Variants in NAV3 observed in about 807,000 individuals in gnomAD.
The protein encoded by NAV3 is neuron navigator 3.
In NAV3, 87 loss-of-function variants were observed where a neutral mutation model predicts 244.7. The ratio of observed to expected loss-of-function variants is 0.36; its 90% confidence interval spans 0.30 to 0.42. The LOEUF is 0.42. NAV3 is among the 20% of genes least tolerant of loss of function. The probability of loss-of-function intolerance (pLI) is 1.00; values close to 1 mark genes in which losing one functional copy is unlikely to be tolerated. For synonymous variants in NAV3, 1,126 were observed against 1,042.2 expected (o/e 1.08, Z -1.55); for missense variants, 2,663 against 2,893.3 (o/e 0.92, Z 1.83).
At chr12:78,045,145 T>A (rs1881550660) in intron 9 of NAV3, among the ~76,000 whole-genome samples, 1 of 152,188 alleles carries the variant, frequency 6.6e-6, no homozygotes, top group Non-Finnish European at 1.5e-5. Flanking sequence ...TGAAGGGGTG[T>A]TGAATTTTAT....
intron 1 of NAV3, among the ~76,000 whole-genome samples, chr12:77,867,861 C>T (rs1328841822): frequency 6.6e-6 from 1 of 152,142 alleles, no homozygotes; most frequent in African/African-American, 2.4e-5. Context: ...AAGTAAGAAA[C>T]CTGCAGTTCT....
chr12:78,032,567 G>T (rs760444266), intron 9 of NAV3, among the ~76,000 whole-genome samples: 1 of 152,084 alleles, frequency 6.6e-6, no homozygotes, highest in Non-Finnish European at 1.5e-5. Flanking sequence ...AAACCTAGTT[G>T]TATTTACCCA....
At chr12:77,659,708 T>G (rs1173599912) in intron 2 of NAV3, among the ~76,000 whole-genome samples, 3 of 151,962 alleles carry the variant, frequency 2.0e-5, no homozygotes, top group African/African-American at 4.8e-5. Context: ...TTGGAACCAA[T>G]CCAAATGTCC....
At chr12:78,014,893 T>C (rs139996904) in intron 8 of NAV3, among the ~76,000 whole-genome samples, 188 of 152,182 alleles carry the variant, frequency 1.2e-3, no homozygotes, top group African/African-American at 4.3e-3. Context: ...AACTAAAGCT[T>C]ATTGAATGCT....
At chr12:78,077,448 TATTTA>T (rs1376838722) in intron 12 of NAV3, among the ~76,000 whole-genome samples, 1 of 152,240 alleles carries the variant, frequency 6.6e-6, no homozygotes, top group African/African-American at 2.4e-5. Context: ...TTTTTCTAAC[TATTTA>T]GAAATGTAAA....
At chr12:77,581,908 T>C (rs1434311802) in intron 2 of NAV3, among the ~76,000 whole-genome samples, 4 of 152,216 alleles carry the variant, frequency 2.6e-5, no homozygotes, top group Non-Finnish European at 2.9e-5. Flanking sequence ...TATTCATTTA[T>C]ACTCATCACT....
chr12:78,179,344 C>G (rs955656962), intron 28 of NAV3, 185 bp from the exon 29 acceptor site: 1 of 507,334 alleles, frequency 2.0e-6, no homozygotes, highest in Non-Finnish European at 3.3e-6. Flanking sequence ...AAAGCTACTT[C>G]CGTTTTGAAC....
intron 1 of NAV3, among the ~76,000 whole-genome samples, chr12:77,933,179 T>C (rs765458505): frequency 6.6e-5 from 10 of 152,198 alleles, no homozygotes; most frequent in Non-Finnish European, 1.3e-4. Context: ...TTAAATTACT[T>C]GATCAGATTT....
chr12:77,575,409 T>G (rs1024760824), intron 2 of NAV3, among the ~76,000 whole-genome samples: 2 of 152,112 alleles, frequency 1.3e-5, no homozygotes, highest in Non-Finnish European at 2.9e-5. Context: ...CAGTAGAACT[T>G]TCAGCTGGTA....
chr12:78,151,421 A>G (rs1957076751), intron 22 of NAV3, among the ~76,000 whole-genome samples: 1 of 152,128 alleles, frequency 6.6e-6, no homozygotes, highest in Admixed American at 6.6e-5. Context: ...AAATTCTGAT[A>G]CATCTATATC....
intron 1 of NAV3, among the ~76,000 whole-genome samples, chr12:77,836,358 A>G (rs966947287): frequency 3.3e-5 from 5 of 151,914 alleles, no homozygotes; most frequent in Non-Finnish European, 7.4e-5. Flanking sequence ...TCCTATTTTC[A>G]TTTCCAACTT....
intron 2 of NAV3, among the ~76,000 whole-genome samples, chr12:77,607,387 G>T (rs866767436): frequency 6.6e-6 from 1 of 152,056 alleles, no homozygotes; most frequent in Admixed American, 6.6e-5. Flanking sequence ...ATGGGAAGAT[G>T]ACTGAACAAC....
intron 7 of NAV3, among the ~76,000 whole-genome samples, chr12:78,006,127 A>G (rs1388917768): frequency 6.6e-6 from 1 of 152,158 alleles, no homozygotes; most frequent in Non-Finnish European, 1.5e-5. Context: ...TGTTTTGTTC[A>G]TCTTTGGATA....
chr12:78,193,637 A>G (rs1385594469), intron 34 of NAV3, among the ~76,000 whole-genome samples: 5 of 152,112 alleles, frequency 3.3e-5, no homozygotes, highest in Non-Finnish European at 7.4e-5. Context: ...CTAAGATTTC[A>G]TTTTCATCAA....
chr12:78,098,882 A>G (rs1954393862), intron 12 of NAV3, among the ~76,000 whole-genome samples: 1 of 151,740 alleles, frequency 6.6e-6, no homozygotes, highest in Non-Finnish European at 1.5e-5. Context: ...CTATTAATAT[A>G]ATTAGTAACT....
At chr12:78,165,356 G>A (rs752623003) in intron 23 of NAV3, among the ~76,000 whole-genome samples, 1 of 151,894 alleles carries the variant, frequency 6.6e-6, no homozygotes, top group Non-Finnish European at 1.5e-5. Context: ...ATAAGAAACT[G>A]GAAATGACTG....
intron 5 of NAV3, among the ~76,000 whole-genome samples, chr12:77,987,723 A>T: frequency 6.6e-6 from 1 of 152,218 alleles, no homozygotes; most frequent in East Asian, 1.9e-4. Context: ...ACAGATACTT[A>T]ACCTGATTAA....
At chr12:78,036,156 C>T (rs1222674692) in intron 9 of NAV3, 1 of 150,994 alleles carries the variant, frequency 6.6e-6, no homozygotes, top group African/African-American at 2.5e-5. Flanking sequence ...GCATTCTACG[C>T]TGGACAGCCG....
chr12:78,057,350 A>G (rs1448181736), intron 11 of NAV3, among the ~76,000 whole-genome samples: 1 of 152,170 alleles, frequency 6.6e-6, no homozygotes, highest in Non-Finnish European at 1.5e-5. Context: ...AGTGAGGGGT[A>G]GATATACTTT....
Sources: allele counts gnomAD v4.1 joint callset (sites outside exome capture counted in the v4.1 genomes callset), GRCh38; gene constraint gnomAD v4.1.1; transcripts MANE v1.5; gene names NCBI Gene and HGNC (gene_info 2026-07-23, HGNC 2026-07-21).